Variants in CACNA1D observed in about 807,000 individuals in gnomAD.
CACNA1D encodes calcium voltage-gated channel subunit alpha1 D, also known as voltage-dependent L-type calcium channel subunit alpha-1D.
A neutral mutation model predicts 257.1 loss-of-function variants in CACNA1D; 55 were observed. The ratio of observed to expected loss-of-function variants is 0.21; its 90% CI spans 0.17 to 0.27. CACNA1D has a LOEUF of 0.27. Ranked by LOEUF, CACNA1D falls within the 10% of genes least tolerant of loss-of-function variation. CACNA1D has a pLI of 1.00. For synonymous variants in CACNA1D, 980 were observed against 1,014.9 expected, an observed-to-expected ratio of 0.97 and a Z score of 0.65; for missense variants, 1,876 against 2,784.0, an observed-to-expected ratio of 0.67 and a Z score of 7.34.
chr3:53,694,229 TC>T (rs747040235), intron 8 of CACNA1D, among the ~76,000 whole-genome samples: 82 of 152,164 alleles, frequency 5.4e-4, no homozygotes, highest in Non-Finnish European at 9.3e-4. Flanking sequence ...CCGTGGGGGC[TC>T]CACTGGGGCT....
intron 47 of CACNA1D, among the ~76,000 whole-genome samples, chr3:53,810,770 AAAAAAAAAAAAAAAAAC>A (rs2095594977): frequency 6.8e-6 from 1 of 146,616 alleles, no homozygotes; most frequent in Non-Finnish European, 1.5e-5. Context: ...AAAAAAAAAA[AAAAAAAAAAAAAAAAAC>A]AAAAACTGGT....
rs1391233895 is a variant in CACNA1D at position 53,731,206 on chromosome 3, A to G, written c.2406+60A>G. ...TCAAAATGATCCTGTTGATCTCCAT[A>G]CATGTACCATTTACACTGTGGAAGT... is the stretch of plus-strand genomic sequence containing the variant. On this transcript the variant is annotated intron_variant, in intron 17 of 47. Transcript: ENST00000350061. 5 of 1,048,262 alleles carry G rather than the reference A, an allele frequency of 4.8e-6. No individual in the cohort carries two copies. The South Asian group carries it at 5.1e-5, about 11-fold the overall frequency. 64.9% of individuals were successfully genotyped at this position (1,048,262 alleles called of 1,614,324 possible). A position where few individuals can be genotyped will look rare whatever the true frequency, so the allele number is the denominator to read the frequency against.
At chr3:53,757,215 A>G (rs1476998609) in intron 29 of CACNA1D, among the ~76,000 whole-genome samples, 1 of 141,514 alleles carries the variant, frequency 7.1e-6, no homozygotes, top group Admixed American at 6.8e-5. Flanking sequence ...AAAATTTGAC[A>G]CTGTTTTTTT....
At chr3:53,553,411 G>C (rs1239307442) in intron 3 of CACNA1D, among the ~76,000 whole-genome samples, 2 of 152,096 alleles carry the variant, frequency 1.3e-5, no homozygotes. Flanking sequence ...TGTTCCTCAC[G>C]CATTTCAAGC....
rs115358478 is a variant in CACNA1D, at chr3:53,554,369, T to C, written c.483+52649T>C. ...AGAAATTGTGTCAGTAATTTGCTTT[T>C]ACTGCTATGAACAATCATATGCAAT... On this transcript the variant is annotated intron_variant, in intron 3 of 47. Transcript: ENST00000350061. Among the ~76,000 whole-genome samples the C allele has an allele frequency of 8.0e-3, 1,226 of 152,340 alleles. 23 individuals carry two copies. The highest frequency in any genetic ancestry group is 0.028 in the African/African-American group (1,158 of 41,564).
chr3:53,663,918 G>A (rs566279529), intron 5 of CACNA1D, among the ~76,000 whole-genome samples: 18 of 151,902 alleles, frequency 1.2e-4, no homozygotes, highest in African/African-American at 4.1e-4. Context: ...GGCGCACACC[G>A]CCACACCCAA....
intron 20 of CACNA1D, among the ~76,000 whole-genome samples, chr3:53,737,353 C>T (rs1356446048): frequency 3.3e-5 from 5 of 152,198 alleles, no homozygotes; most frequent in Non-Finnish European, 5.9e-5. Context: ...AAATAATTTA[C>T]ATGGCATTTA....
intron 7 of CACNA1D, among the ~76,000 whole-genome samples, chr3:53,668,009 T>C (rs1045860781): frequency 6.6e-6 from 1 of 152,216 alleles, no homozygotes; most frequent in African/African-American, 2.4e-5. Flanking sequence ...ATTTCCTAAA[T>C]TGCAACTTCT....
At chr3:53,720,861 T>C (rs2094876045) in intron 11 of CACNA1D, among the ~76,000 whole-genome samples, 1 of 152,250 alleles carries the variant, frequency 6.6e-6, no homozygotes, top group South Asian at 2.1e-4. Flanking sequence ...TTTAAACATA[T>C]ATTTACCACG....
Position 53,747,391 on chromosome 3 carries a change from A to G in CACNA1D, c.3257A>G (p.Asn1086Ser), listed in dbSNP as rs780543741. 13 of 1,614,174 alleles carry G rather than the reference A, an allele frequency of 8.1e-6. No homozygotes were observed. The highest frequency in any genetic ancestry group is 6.7e-5 in the Admixed American group (4 of 60,034). Reference sequence around the variant, plus strand: ...CAAAACAGTGATTTCAACTTCGACAACGTCCTCTCTGCTATGATGGCGCTC... The same window carrying G: ...CAAAACAGTGATTTCAACTTCGACAGCGTCCTCTCTGCTATGATGGCGCTC... ...IWQNSDFNFDNVLSAMMALFT... is the reference protein window; with the variant it reads ...IWQNSDFNFDSVLSAMMALFT... Residue 1086 changes from asparagine (N) to serine (S), a missense_variant, in exon 26 of 48, where the codon AAC (asparagine) becomes AGC (serine). Asn to Ser is a conservative substitution (Grantham distance 46). This residue lies in a region of CACNA1D where 271 missense variants were observed against 425.5 expected (regional missense o/e 0.64). Transcript: ENST00000350061.
chr3:53,803,370 C>T (rs1289072273), intron 43 of CACNA1D, 53 bp from the exon 44 acceptor site: 1 of 1,608,496 alleles, frequency 6.2e-7, no homozygotes, highest in Non-Finnish European at 8.5e-7. Flanking sequence ...GCAGCTGCAG[C>T]AGGAATTATC....
chr3:53,500,453 A>G (rs904749622), intron 2 of CACNA1D, among the ~76,000 whole-genome samples: 6 of 150,372 alleles, frequency 4.0e-5, no homozygotes, highest in South Asian at 4.2e-4. Context: ...AAAAAAAATG[A>G]TATCTCTAGA....
At chr3:53,756,563 G>A (rs1191299300) in intron 29 of CACNA1D, among the ~76,000 whole-genome samples, 2 of 152,222 alleles carry the variant, frequency 1.3e-5, no homozygotes, top group Non-Finnish European at 2.9e-5. Flanking sequence ...TCACCAGCTG[G>A]GTGTTGACCT....
chr3:53,645,789 G>T (rs1345267754), intron 3 of CACNA1D, among the ~76,000 whole-genome samples: 1 of 152,158 alleles, frequency 6.6e-6, no homozygotes, highest in Non-Finnish European at 1.5e-5. Context: ...TGCTGAGAAA[G>T]TGTCATTTAA....
At chr3:53,739,156 G>T (rs1035047146) in intron 20 of CACNA1D, among the ~76,000 whole-genome samples, 8 of 152,212 alleles carry the variant, frequency 5.3e-5, no homozygotes, top group African/African-American at 1.9e-4. Flanking sequence ...TCACCCCTGT[G>T]ACTCTTCGCT....
chr3:53,504,075 A>G (rs1207378994), intron 3 of CACNA1D, among the ~76,000 whole-genome samples: 2 of 150,190 alleles, frequency 1.3e-5, no homozygotes, highest in Non-Finnish European at 3.0e-5. Context: ...TTTTAAATAC[A>G]TTTGACCCAA....
rs1012619969 is a variant in CACNA1D at position 53,565,456 on chromosome 3, G to C, written c.483+63736G>C. 7.9e-5 allele frequency among the ~76,000 whole-genome samples: 12 copies of C among 152,234 alleles called. No homozygotes were observed. The South Asian group carries it at 2.3e-3, about 29-fold the overall frequency. ...AGATATAATTTCATTTGAGTGGCTT[G>C]AGCTCTATTTATCTGCATGGCCAAA... On this transcript the variant is annotated intron_variant, in intron 3 of 47. Transcript: ENST00000350061.
chr3:53,697,630 A>G (rs1010143901), intron 8 of CACNA1D, among the ~76,000 whole-genome samples: 4 of 152,194 alleles, frequency 2.6e-5, no homozygotes, highest in African/African-American at 9.6e-5. Context: ...TGAATAATCC[A>G]TGTACCCCTT....
Position 53,666,360 on chromosome 3 carries a change from C to T in CACNA1D, c.941C>T (p.Pro314Leu). The T allele has an allele frequency of 6.2e-7, 1 of 1,614,106 alleles. No homozygotes were observed. Among genetic ancestry groups the T allele is most frequent in the Non-Finnish European group, 8.5e-7 (1 of 1,180,002 alleles). ...GCAGATATCGTAGCTGAAGAGGACCCAGCTCCATGTGCGTTCTCAGGGAAT... is the reference window on the plus strand; with the variant it reads ...GCAGATATCGTAGCTGAAGAGGACCTAGCTCCATGTGCGTTCTCAGGGAAT... ...ADSDIVAEED[P>L]APCAFSGNGR... is the part of the protein sequence containing the mutation. Residue 314 changes from proline to leucine, a missense_variant, in exon 7 of 48, where the codon CCA becomes CTA. This residue lies in a region of CACNA1D where 188 missense variants were observed against 390.4 expected (regional missense o/e 0.48). Transcript: ENST00000350061.
Sources: gnomAD v4.1 joint callset for allele counts (sites outside exome capture counted in the v4.1 genomes callset) on GRCh38, gnomAD v4.1.1 for gene constraint, gnomAD v4.1.1 regional missense constraint, MANE v1.5 for transcripts, NCBI Gene and HGNC (gene_info 2026-07-23, HGNC 2026-07-21) for gene names.